Variants in ADGRB3 observed in about 807,000 individuals in gnomAD.
The protein encoded by ADGRB3 is brain-specific angiogenesis inhibitor 3.
Under a neutral mutation model 193.4 loss-of-function variants are expected in ADGRB3, and 37 were observed. The observed-to-expected ratio is 0.19, with a 90% confidence interval of 0.15 to 0.25. The LOEUF is 0.25. Ranked by LOEUF, ADGRB3 falls within the 10% of genes least tolerant of loss-of-function variation. ADGRB3 has a pLI of 1.00. For synonymous variants in ADGRB3, 690 were observed against 644.2 expected, an observed-to-expected ratio of 1.07 and a Z score of -1.08; for missense variants, 1,637 against 1,852.9, an observed-to-expected ratio of 0.88 and a Z score of 2.14.
chr6:69,047,170 A>C (rs116973849), intron 13 of ADGRB3, among the ~76,000 whole-genome samples: 2,423 of 152,244 alleles, frequency 0.016, 25 homozygotes, highest in Non-Finnish European at 0.026. Context: ...ATGAATTTTT[A>C]CTTTAGCTTT....
At chr6:69,034,143 G>A (rs967397953) in intron 13 of ADGRB3, among the ~76,000 whole-genome samples, 1 of 151,852 alleles carries the variant, frequency 6.6e-6, no homozygotes, top group Non-Finnish European at 1.5e-5. Context: ...TTTAGCTATA[G>A]TTTTCCTCTT....
At chr6:68,852,790 G>A (rs1456296031) in intron 3 of ADGRB3, among the ~76,000 whole-genome samples, 1 of 151,962 alleles carries the variant, frequency 6.6e-6, no homozygotes, top group Non-Finnish European at 1.5e-5. Context: ...TCAAAGACTA[G>A]ATAACTAATT....
chr6:68,872,927 T>C (rs552670903), intron 3 of ADGRB3, among the ~76,000 whole-genome samples: 6 of 152,200 alleles, frequency 3.9e-5, no homozygotes, highest in African/African-American at 1.4e-4. Context: ...TCAAACACTC[T>C]AGGACCATTT....
chr6:69,235,759 A>G (rs981689194), intron 19 of ADGRB3, among the ~76,000 whole-genome samples: 1 of 152,008 alleles, frequency 6.6e-6, no homozygotes, highest in Non-Finnish European at 1.5e-5. Context: ...TTGAAATCAC[A>G]TCTACTGATA....
At chr6:69,172,620 G>T (rs1312965813) in intron 17 of ADGRB3, among the ~76,000 whole-genome samples, 2 of 130,778 alleles carry the variant, frequency 1.5e-5, no homozygotes, top group African/African-American at 3.0e-5. Context: ...CTCCAGCCTG[G>T]GCGACAGAGC....
At chr6:69,287,798 C>G (rs1042194580) in intron 20 of ADGRB3, among the ~76,000 whole-genome samples, 2 of 152,134 alleles carry the variant, frequency 1.3e-5, no homozygotes, top group African/African-American at 2.4e-5. Flanking sequence ...AAGTGACTTA[C>G]GTAAATTACC....
rs535941748 is a variant in ADGRB3 at position 69,337,927 on chromosome 6, C to T, written c.3189-989C>T. Among the ~76,000 whole-genome samples, 6 of 152,258 alleles carry T rather than the reference C, an allele frequency of 3.9e-5. No individual in the cohort carries two copies. In the South Asian group the frequency reaches 1.2e-3, roughly 32 times the overall value. On this transcript the variant is annotated intron_variant, in intron 24 of 31. Coordinates refer to ENST00000370598, the MANE Select transcript of ADGRB3 (RefSeq NM_001704.3). ...AAACCTACAGAGTAATCATTTTAGA[C>T]ATAGATACCACATAGGAATGGACTA...
intron 3 of ADGRB3, among the ~76,000 whole-genome samples, chr6:68,814,938 T>A (rs989408469): frequency 6.6e-6 from 1 of 152,044 alleles, no homozygotes; most frequent in Admixed American, 6.6e-5. Flanking sequence ...ATTCAACAAC[T>A]CTTCATGCTA....
intron 10 of ADGRB3, among the ~76,000 whole-genome samples, chr6:68,988,471 G>C (rs938296979): frequency 2.0e-5 from 3 of 152,124 alleles, no homozygotes; most frequent in Admixed American, 1.3e-4. Context: ...TAGGGTACTT[G>C]TAGTAGTCGT....
intron 3 of ADGRB3, among the ~76,000 whole-genome samples, chr6:68,836,542 C>G (rs533668267): frequency 6.6e-6 from 1 of 152,152 alleles, no homozygotes; most frequent in Non-Finnish European, 1.5e-5. Flanking sequence ...ACATTACATT[C>G]AAATGTGGTC....
At chr6:69,099,666 A>G (rs952683719) in intron 17 of ADGRB3, among the ~76,000 whole-genome samples, 2 of 152,154 alleles carry the variant, frequency 1.3e-5, no homozygotes, top group African/African-American at 2.4e-5. Context: ...AAATATAAAC[A>G]CTCTGAATAC....
chr6:69,055,812 TTTTTGTTTTGCTTTG>T (rs1046303216), intron 15 of ADGRB3, among the ~76,000 whole-genome samples: 6 of 152,002 alleles, frequency 3.9e-5, no homozygotes, highest in Non-Finnish European at 8.8e-5. Context: ...TTTTTGTTTT[TTTTTGTTTTGCTTTG>T]TTTTGTTTTG....
At chr6:68,712,802 T>A (rs944112881) in intron 3 of ADGRB3, among the ~76,000 whole-genome samples, 2 of 151,996 alleles carry the variant, frequency 1.3e-5, no homozygotes, top group African/African-American at 4.8e-5. Flanking sequence ...TAAGGATACT[T>A]CTTGCTTACT....
At chr6:69,370,975 G>T (rs1269883638) in intron 29 of ADGRB3, among the ~76,000 whole-genome samples, 1 of 151,990 alleles carries the variant, frequency 6.6e-6, no homozygotes, top group African/African-American at 2.4e-5. Context: ...TGGCAAAAGA[G>T]GGCTGGGCTC....
At chr6:68,915,544 T>C (rs1700624905) in intron 3 of ADGRB3, among the ~76,000 whole-genome samples, 1 of 152,212 alleles carries the variant, frequency 6.6e-6, no homozygotes, top group African/African-American at 2.4e-5. Flanking sequence ...TAGACAGCTA[T>C]ATGCTCTAAA....
At chr6:68,790,403 A>G (rs958982081) in intron 3 of ADGRB3, among the ~76,000 whole-genome samples, 1 of 152,198 alleles carries the variant, frequency 6.6e-6, no homozygotes, top group African/African-American at 2.4e-5. Context: ...ACCTCTGCAG[A>G]CTTAAATGTC....
intron 13 of ADGRB3, among the ~76,000 whole-genome samples, chr6:69,039,544 C>T (rs1436654370): frequency 6.6e-6 from 1 of 151,940 alleles, no homozygotes; most frequent in East Asian, 1.9e-4. Context: ...GCCATTGTAG[C>T]ATGAAAGTAG....
At chr6:68,790,734 G>A (rs55915457) in intron 3 of ADGRB3, among the ~76,000 whole-genome samples, 7 of 152,120 alleles carry the variant, frequency 4.6e-5, no homozygotes, top group African/African-American at 1.4e-4. Flanking sequence ...GATCCTGTCT[G>A]TTAGAAGGAA....
intron 17 of ADGRB3, among the ~76,000 whole-genome samples, chr6:69,122,995 TGTGA>T (rs901850475): frequency 6.7e-6 from 1 of 150,040 alleles, no homozygotes; most frequent in Non-Finnish European, 1.5e-5. Context: ...TACACATACG[TGTGA>T]GTGTGTGTGT....
Sources: gnomAD v4.1 joint callset for allele counts (sites outside exome capture counted in the v4.1 genomes callset) on GRCh38, gnomAD v4.1.1 for gene constraint, MANE v1.5 for transcripts, NCBI Gene and HGNC (gene_info 2026-07-23, HGNC 2026-07-21) for gene names.